Variants in KCTD14 observed in about 807,000 individuals in gnomAD.
The protein encoded by KCTD14 is BTB/POZ domain-containing protein KCTD14.
Under a neutral mutation model 5.9 loss-of-function variants are expected in KCTD14, and 7 were observed. That is an observed-to-expected ratio of 1.19 (90% confidence interval 0.68 to 2.23). The LOEUF (loss-of-function observed/expected upper bound fraction) is 2.23, where lower values mean the gene tolerates loss of function less well. KCTD14 is among the 30% of genes most tolerant of loss of function. The probability of loss-of-function intolerance (pLI) is 0.00; values close to 1 mark genes in which losing one functional copy is unlikely to be tolerated. For missense variants in KCTD14, 342 were observed against 332.2 expected (o/e 1.03, Z -0.23); for synonymous variants, 140 against 133.1 (o/e 1.05, Z -0.36).
chr11:78,019,678 C>T (rs1565309430), intron 1 of KCTD14, among the ~76,000 whole-genome samples: 1 of 152,130 alleles, frequency 6.6e-6, no homozygotes, highest in African/African-American at 2.4e-5. Context: ...TAAATAATAA[C>T]GGGAACATTC....
At chr11:78,030,066 G>C (rs1051674237) in intron 2 of KCTD14, among the ~76,000 whole-genome samples, 4 of 152,160 alleles carry the variant, frequency 2.6e-5, no homozygotes, top group African/African-American at 9.7e-5. Context: ...TTACAGGTGT[G>C]AGCCATCGCG....
upstream of KCTD14, among the ~76,000 whole-genome samples, chr11:78,027,275 G>A (rs186615627): frequency 6.4e-4 from 97 of 152,150 alleles, no homozygotes; most frequent in African/African-American, 2.3e-3. Flanking sequence ...ACTCATGCCT[G>A]TAATCGCAGC....
intron 2 of KCTD14, among the ~76,000 whole-genome samples, chr11:78,033,841 A>G (rs12291367): frequency 0.48 from 58,027 of 121,752 alleles, 12,350 homozygotes; most frequent in African/African-American, 0.56. Context: ...GTAAGACTCC[A>G]TCTCAAAAAA....
intron 1 of KCTD14, among the ~76,000 whole-genome samples, chr11:78,019,743 A>G (rs1211288710): frequency 6.6e-6 from 1 of 152,238 alleles, no homozygotes; most frequent in Non-Finnish European, 1.5e-5. Context: ...ACTGCTTCAC[A>G]AACTGCGAAG....
intron 2 of KCTD14, among the ~76,000 whole-genome samples, chr11:78,035,015 C>T (rs1047411976): frequency 5.3e-5 from 8 of 152,132 alleles, no homozygotes; most frequent in East Asian, 1.9e-4. Flanking sequence ...ACCTGATTGC[C>T]GGCTATCATT....
At chr11:78,033,837 C>G (rs1196743155) in intron 2 of KCTD14, among the ~76,000 whole-genome samples, 1 of 85,924 alleles carries the variant, frequency 1.2e-5, no homozygotes, top group South Asian at 4.3e-4. Flanking sequence ...CAGAGTAAGA[C>G]TCCATCTCAA....
chr11:78,038,815 C>T (rs1857897983), intron 1 of KCTD14: 1 of 1,531,412 alleles, frequency 6.5e-7, no homozygotes, highest in African/African-American at 1.4e-5. Flanking sequence ...GGACGAGGAC[C>T]AGGAGTTCAG....
chr11:78,025,487 A>G (rs1857442151), upstream of KCTD14, among the ~76,000 whole-genome samples: 1 of 152,160 alleles, frequency 6.6e-6, no homozygotes, highest in Non-Finnish European at 1.5e-5. Flanking sequence ...AGGCACACCC[A>G]GGATCAATAC....
intron 2 of KCTD14, among the ~76,000 whole-genome samples, chr11:78,036,683 G>T (rs1290275717): frequency 1.3e-5 from 2 of 152,190 alleles, no homozygotes; most frequent in East Asian, 3.8e-4. Flanking sequence ...CTATTTGAAG[G>T]CTGTCATCAA....
At chr11:78,025,739 GAA>G (rs1857447748), upstream of KCTD14, among the ~76,000 whole-genome samples, 1 of 152,194 alleles carries the variant, frequency 6.6e-6, no homozygotes, top group African/African-American at 2.4e-5. Context: ...GCCCACTGGT[GAA>G]AAGAGTTAGG....
Position 78,016,220 on chromosome 11 carries a change from A to C in KCTD14, c.*373T>G. ...ATGGATTGGACCCCAAGCTGGGGCT[A>C]TGTAGACTACATCTTTAGGTCAGAA... On this transcript the variant is annotated 3_prime_UTR_variant, in exon 2 of 2. Transcript: ENST00000353172. 3.9e-6 allele frequency: 1 copy of C among 258,584 alleles called. No individual in the cohort carries two copies. 16.0% of individuals were successfully genotyped at this position (258,584 alleles called of 1,614,324 possible).
intron 1 of KCTD14, among the ~76,000 whole-genome samples, chr11:78,021,023 C>G (rs1285205095): frequency 6.6e-6 from 1 of 152,182 alleles, no homozygotes; most frequent in Non-Finnish European, 1.5e-5. Context: ...AAAAAACAGG[C>G]TGGGTGCAGT....
At chr11:78,036,434 T>C (rs1857805944) in intron 2 of KCTD14, among the ~76,000 whole-genome samples, 1 of 152,208 alleles carries the variant, frequency 6.6e-6, no homozygotes, top group African/African-American at 2.4e-5. Flanking sequence ...ATAAAGTGGG[T>C]ATTTTTAGCC....
At position 78,017,216 on chromosome 11, in the gene KCTD14, C is replaced by T. The variant is rs893585828; in HGVS notation, c.145G>A (p.Gly49Ser). 1.1e-5 allele frequency: 17 copies of T among 1,612,384 alleles called. No homozygotes were observed. Among genetic ancestry groups the T allele is most frequent in the Non-Finnish European group, 1.4e-5 (17 of 1,178,742 alleles). Residue 49 changes from glycine to serine, a missense_variant, in exon 2 of 2, where the codon GGT becomes AGT. Physicochemically the swap from Gly to Ser is moderately conservative, Grantham distance 56 (BLOSUM62 0). Coordinates refer to ENST00000353172, the MANE Select transcript of KCTD14 (RefSeq NM_023930.4). ...VGGEFHTTTL[G>S]TLRKFPGSKL... ...GAGCCCGGAAACTTCCTCAGGGTAC[C>T]CAGGGTGGTGGTGTGGAACTCACCC...
chr11:78,029,238 C>T (rs867586709), intron 2 of KCTD14, among the ~76,000 whole-genome samples: 9 of 151,100 alleles, frequency 6.0e-5, no homozygotes, highest in South Asian at 2.1e-4. Flanking sequence ...GGGGTAAGGA[C>T]GGCTTAGAAA....
chr11:78,029,185 CAA>C (rs34088894), intron 2 of KCTD14, among the ~76,000 whole-genome samples: 11,882 of 113,264 alleles, frequency 0.1, 1,570 homozygotes, highest in African/African-American at 0.33. Context: ...ACTCTGTCTC[CAA>C]AAAAAAAAAA....
intron 1 of KCTD14, among the ~76,000 whole-genome samples, chr11:78,039,317 G>C (rs980341043): frequency 6.6e-6 from 1 of 151,398 alleles, no homozygotes; most frequent in Non-Finnish European, 1.5e-5. Context: ...AGGAGTTCAA[G>C]ACCAGCCTGG....
At chr11:78,044,045 C>G (rs1266490034) in intron 1 of KCTD14, among the ~76,000 whole-genome samples, 1 of 152,170 alleles carries the variant, frequency 6.6e-6, no homozygotes, top group Non-Finnish European at 1.5e-5. Context: ...ACCTCTTCAC[C>G]TACTTCCTGA....
Position 78,016,587 on chromosome 11 carries a change from T to C in KCTD14, c.*6A>G. ...CAGAATTCATAACAGTCTCTGCTCCTGAGGATCACCACCAGGTGAAGGTGA... is the reference window on the plus strand; with the variant it reads ...CAGAATTCATAACAGTCTCTGCTCCCGAGGATCACCACCAGGTGAAGGTGA... On this transcript the variant is annotated 3_prime_UTR_variant, in exon 2 of 2. Transcript: ENST00000353172. The C allele has an allele frequency of 6.2e-7, 1 of 1,609,186 alleles. No homozygotes were observed. Among genetic ancestry groups the C allele is most frequent in the South Asian group, 1.1e-5 (1 of 90,868 alleles).
Sources: allele counts gnomAD v4.1 joint callset (sites outside exome capture counted in the v4.1 genomes callset), GRCh38; gene constraint gnomAD v4.1.1; transcripts MANE v1.5; gene names NCBI Gene and HGNC (gene_info 2026-07-23, HGNC 2026-07-21).